Variants in PRH1 observed in about 807,000 individuals in gnomAD.
PRH1 encodes salivary acidic proline-rich phosphoprotein 1/2.
A neutral mutation model predicts 7.9 loss-of-function variants in PRH1; 7 were observed. That is an observed-to-expected ratio of 0.89 (90% CI 0.50 to 1.67). PRH1 has a LOEUF of 1.67. PRH1 is among the 40% of genes most tolerant of loss of function. PRH1 has a pLI of 0.00. For synonymous variants in PRH1, 45 were observed against 80.8 expected (o/e 0.56, Z 2.38); for missense variants, 109 against 223.6 (o/e 0.49, Z 3.27).
At chr12:11,058,904 C>G (rs1005182113) in intron 1 of PRH1, among the ~76,000 whole-genome samples, 1 of 152,170 alleles carries the variant, frequency 6.6e-6, no homozygotes, top group African/African-American at 2.4e-5. Flanking sequence ...GTATTGGACA[C>G]AGACATGTGC....
chr12:10,970,832 C>T (rs911401925), intron 2 of PRH1, among the ~76,000 whole-genome samples: 2 of 152,102 alleles, frequency 1.3e-5, no homozygotes, highest in Non-Finnish European at 2.9e-5. Context: ...ACCCAAAGTG[C>T]TGGGATTACA....
intron 2 of PRH1, among the ~76,000 whole-genome samples, chr12:10,959,012 C>T (rs1938107756): frequency 6.6e-6 from 1 of 152,022 alleles, no homozygotes; most frequent in Admixed American, 6.6e-5. Flanking sequence ...ATTAGAAACT[C>T]ATGGCAAATA....
chr12:11,135,912 TCTC>T (rs1175483006), intron 1 of PRH1, among the ~76,000 whole-genome samples: 8 of 152,274 alleles, frequency 5.3e-5, no homozygotes, highest in South Asian at 2.1e-4. Context: ...ATGAGACGTT[TCTC>T]CTAATTAAAA....
chr12:11,155,003 G>A (rs771854766), intron 1 of PRH1, among the ~76,000 whole-genome samples: 85 of 152,254 alleles, frequency 5.6e-4, no homozygotes, highest in Non-Finnish European at 1.1e-3. Flanking sequence ...TTCTTGCAGT[G>A]TGTCACATCT....
chr12:11,152,443 TTTA>T (rs1433906369), intron 1 of PRH1, among the ~76,000 whole-genome samples: 2 of 152,154 alleles, frequency 1.3e-5, no homozygotes, highest in African/African-American at 2.4e-5. Flanking sequence ...ATTAGAATTT[TTTA>T]TTTTTATCAC....
At chr12:10,990,599 C>G (rs1157371722) in intron 1 of PRH1, among the ~76,000 whole-genome samples, 1 of 152,150 alleles carries the variant, frequency 6.6e-6, no homozygotes, top group African/African-American at 2.4e-5. Flanking sequence ...AAATCTAAAG[C>G]TGAAGAATGG....
intron 1 of PRH1, among the ~76,000 whole-genome samples, chr12:11,041,307 A>AAAAAAAAAAAAAAAAC (rs1565584500): frequency 9.3e-5 from 9 of 97,204 alleles, no homozygotes; most frequent in African/African-American, 1.3e-4. Flanking sequence ...AAAAAAAAAA[A>AAAAAAAAAAAAAAAAC]AAAACAAAAA....
At chr12:11,064,453 G>A (rs927194919) in intron 1 of PRH1, among the ~76,000 whole-genome samples, 4 of 151,746 alleles carry the variant, frequency 2.6e-5, no homozygotes, top group Admixed American at 1.3e-4. Flanking sequence ...GAACAGTTAC[G>A]AATAATTCTA....
chr12:11,031,798 C>A (rs1331081620), intron 1 of PRH1, among the ~76,000 whole-genome samples: 3 of 152,088 alleles, frequency 2.0e-5, no homozygotes, highest in Non-Finnish European at 4.4e-5. Flanking sequence ...TTTACAATCC[C>A]CTTGCTAGCT....
intron 2 of PRH1, chr12:10,896,027 T>C (rs931038869): frequency 6.6e-6 from 1 of 152,234 alleles, no homozygotes; most frequent in Admixed American, 6.5e-5. Flanking sequence ...CCAAGGTGTG[T>C]TCTAAAATTA....
intron 2 of PRH1, among the ~76,000 whole-genome samples, chr12:10,932,611 G>A (rs533312538): frequency 6.6e-6 from 1 of 152,292 alleles, no homozygotes; most frequent in African/African-American, 2.4e-5. Flanking sequence ...CCCAGAAGCT[G>A]AGAGAAACTT....
At position 11,133,190 on chromosome 12, in the gene PRH1, T is replaced by C. The variant is rs1175304046; in HGVS notation, n.40-12010A>G. On this transcript the variant is annotated intron_variant and non_coding_transcript_variant, in intron 1 of 1. Coordinates refer to the PRH1 transcript ENST00000541175. ...AGACTAACTTTAGGTAAAAGACTTT[T>C]CTAGGTATACATGTGGAAATTATTC... 1.4e-5 allele frequency: 20 copies of C among 1,469,532 alleles called. No homozygotes were observed. The East Asian group carries it at 4.6e-4, about 34-fold the overall frequency. 91.0% of individuals were successfully genotyped at this position (1,469,532 alleles called of 1,614,324 possible).
At chr12:10,993,794 C>A (rs531093278) in intron 1 of PRH1, among the ~76,000 whole-genome samples, 1 of 152,142 alleles carries the variant, frequency 6.6e-6, no homozygotes, top group African/African-American at 2.4e-5. Flanking sequence ...ACAGATAATC[C>A]AGCAGAATTC....
At chr12:11,020,363 G>GAGATATAT (rs1565557194) in intron 1 of PRH1, among the ~76,000 whole-genome samples, 3 of 87,584 alleles carry the variant, frequency 3.4e-5, no homozygotes, top group Non-Finnish European at 7.0e-5. Context: ...TATGATAAGC[G>GAGATATAT]ATATATATAT....
At chr12:11,013,345 T>C (rs1941147432) in intron 1 of PRH1, among the ~76,000 whole-genome samples, 2 of 152,120 alleles carry the variant, frequency 1.3e-5, no homozygotes, top group African/African-American at 2.4e-5. Flanking sequence ...TGCAGTTCAA[T>C]AGGAATTAAT....
intron 1 of PRH1, chr12:11,022,651 A>C: frequency 9.7e-7 from 1 of 1,027,472 alleles, no homozygotes; most frequent in Non-Finnish European, 1.4e-6. Flanking sequence ...TTCGATGAAC[A>C]CTTGATTACT....
chr12:10,935,278 C>T (rs569557520), intron 2 of PRH1, among the ~76,000 whole-genome samples: 13 of 152,158 alleles, frequency 8.5e-5, no homozygotes, highest in African/African-American at 2.9e-4. Flanking sequence ...TCAAAATCTT[C>T]GATTTTCTAA....
intron 2 of PRH1, among the ~76,000 whole-genome samples, chr12:10,951,758 G>A (rs891325234): frequency 6.6e-6 from 1 of 152,090 alleles, no homozygotes; most frequent in African/African-American, 2.4e-5. Context: ...ATGTGTTTTC[G>A]ATTGAAGAAT....
intron 1 of PRH1, among the ~76,000 whole-genome samples, chr12:11,099,897 A>T (rs1945184327): frequency 6.6e-6 from 1 of 152,184 alleles, no homozygotes; most frequent in African/African-American, 2.4e-5. Flanking sequence ...GGGAATGGCA[A>T]AGGTTTGTCC....
Sources: allele counts gnomAD v4.1 joint callset (sites outside exome capture counted in the v4.1 genomes callset), GRCh38; gene constraint gnomAD v4.1.1; transcripts MANE v1.5; gene names NCBI Gene and HGNC (gene_info 2026-07-23, HGNC 2026-07-21).